Variants in PKHD1 observed in about 807,000 individuals in gnomAD.
The protein encoded by PKHD1 is fibrocystin.
A neutral mutation model predicts 412.0 loss-of-function variants in PKHD1; 291 were observed. The observed-to-expected ratio is 0.71, with a 90% confidence interval of 0.64 to 0.78. The LOEUF is 0.78. PKHD1 is among the 30% of genes least tolerant of loss of function. PKHD1 has a pLI of 0.00. For synonymous variants in PKHD1, 1,777 were observed against 1,821.5 expected, an observed-to-expected ratio of 0.98 and a Z score of 0.62; for missense variants, 4,825 against 4,950.7, an observed-to-expected ratio of 0.97 and a Z score of 0.76.
chr6:51,739,785 C>T (rs1562202465), intron 60 of PKHD1, among the ~76,000 whole-genome samples: 2 of 148,836 alleles, frequency 1.3e-5, no homozygotes, highest in Non-Finnish European at 3.0e-5. Context: ...CTCCCTTCCA[C>T]TTTTTTTTTT....
At chr6:51,656,892 G>C (rs899006411) in intron 61 of PKHD1, among the ~76,000 whole-genome samples, 3 of 151,870 alleles carry the variant, frequency 2.0e-5, no homozygotes, top group Non-Finnish European at 4.4e-5. Context: ...CTGCGCTCAA[G>C]CTATCCACCT....
In PKHD1 at chr6:52,042,948, C is replaced by T; in HGVS notation, c.3008G>A (p.Gly1003Asp). ...HRILMLVRPS[G>D]LAISATGEDL... is the part of the protein sequence containing the mutation. ...TTCTCCAGTGGCACTGATGGCAAGACCAGAGGGTCTCACCAACATCAAGAT... is the reference window on the plus strand; with the variant it reads ...TTCTCCAGTGGCACTGATGGCAAGATCAGAGGGTCTCACCAACATCAAGAT... The change falls in exon 27 of 67, where the codon GGT (glycine) becomes GAT (aspartate). Residue 1003 changes from glycine (G) to aspartate (D), a missense_variant. Physicochemically the swap from Gly to Asp is moderately conservative, Grantham distance 94. Coordinates refer to ENST00000371117, the MANE Select transcript of PKHD1 (RefSeq NM_138694.4). The T allele has an allele frequency of 6.2e-7, 1 of 1,613,964 alleles. No homozygotes were observed. The highest frequency in any genetic ancestry group is 8.5e-7 in the Non-Finnish European group (1 of 1,179,870).
chr6:51,735,021 A>G (rs1783668760), intron 60 of PKHD1, among the ~76,000 whole-genome samples: 1 of 152,192 alleles, frequency 6.6e-6, no homozygotes, highest in South Asian at 2.1e-4. Flanking sequence ...GAGGAACTAA[A>G]TGAGTTTTTT....
At position 52,046,239 on chromosome 6, in the gene PKHD1, T is replaced by C. The variant is rs1805805782; in HGVS notation, c.2408-51A>G. 5 of 1,345,722 alleles carry C rather than the reference T, an allele frequency of 3.7e-6. No homozygotes were observed. In the East Asian group the frequency reaches 9.2e-5, roughly 25 times the overall value. 83.4% of individuals were successfully genotyped at this position (1,345,722 alleles called of 1,614,324 possible). Reference sequence around the variant, plus strand: ...AAACACAGACACTAATTAATCCACCTTACAGAGTTTCATCCTCAAGGATAA... The same window carrying C: ...AAACACAGACACTAATTAATCCACCCTACAGAGTTTCATCCTCAAGGATAA... On this transcript the variant is annotated intron_variant, in intron 23 of 66. Coordinates refer to ENST00000371117, the MANE Select transcript of PKHD1 (RefSeq NM_138694.4).
chr6:51,886,523 G>T (rs940136947), intron 44 of PKHD1, among the ~76,000 whole-genome samples: 1 of 152,168 alleles, frequency 6.6e-6, no homozygotes, highest in African/African-American at 2.4e-5. Context: ...GGGACACTGT[G>T]CTGGGTGAGG....
At chr6:51,724,698 A>C (rs528839403) in intron 60 of PKHD1, among the ~76,000 whole-genome samples, 1 of 152,226 alleles carries the variant, frequency 6.6e-6, no homozygotes, top group Non-Finnish European at 1.5e-5. Context: ...ATGTTATCTT[A>C]TATAGAAAAG....
intron 52 of PKHD1, among the ~76,000 whole-genome samples, chr6:51,828,922 G>T (rs1767781818): frequency 6.6e-6 from 1 of 152,118 alleles, no homozygotes; most frequent in Non-Finnish European, 1.5e-5. Context: ...ATCAATCACA[G>T]ATCATTTTTT....
At chr6:51,817,133 G>C (rs1251673542) in intron 52 of PKHD1, among the ~76,000 whole-genome samples, 1 of 121,082 alleles carries the variant, frequency 8.3e-6, no homozygotes, top group Non-Finnish European at 1.8e-5. Context: ...GGGATCTTAG[G>C]GACAGACTTG....
chr6:51,711,495 C>T (rs73442825), intron 60 of PKHD1, among the ~76,000 whole-genome samples: 4,273 of 152,200 alleles, frequency 0.028, 217 homozygotes, highest in African/African-American at 0.098. Flanking sequence ...AGAGGAAATC[C>T]CCTGTCTCCG....
At position 51,836,502 on chromosome 6, in the gene PKHD1, A is replaced by G; in HGVS notation, c.8108-33T>C. On this transcript the variant is annotated intron_variant, in intron 50 of 66. Transcript: ENST00000371117. ...CCAAAAGCCACAACTTGCATGTGAT[A>G]CAAAGATCATCTTAATATTAAAGAC... is the stretch of plus-strand genomic sequence containing the variant. 1.4e-6 allele frequency: 2 copies of G among 1,448,882 alleles called. 1 individual carries two copies. The highest frequency in any genetic ancestry group is 3.5e-4 in the Middle Eastern group (2 of 5,754). The allele number at this position is 1,448,882 out of a possible 1,614,324, so 89.8% of individuals were successfully genotyped here. A position where few individuals can be genotyped will look rare whatever the true frequency, so the allele number is the denominator to read the frequency against.
intron 33 of PKHD1, 42 bp downstream of exon 33, chr6:52,022,759 T>G (rs766439006): frequency 6.3e-7 from 1 of 1,592,040 alleles, no homozygotes; most frequent in Non-Finnish European, 8.6e-7. Context: ...ATCATTTCCA[T>G]ATATATGCTT....
chr6:51,761,303 C>T (rs1416820502), intron 55 of PKHD1, among the ~76,000 whole-genome samples: 1 of 151,998 alleles, frequency 6.6e-6, no homozygotes, highest in East Asian at 1.9e-4. Context: ...GAAGACACTA[C>T]GTTAAGTGAA....
chr6:51,618,334 C>G lies in PKHD1; in HGVS notation c.*747G>C, dbSNP rs1331084573. The G allele has an allele frequency of 6.6e-6, 1 of 152,154 alleles. No homozygotes were observed. The highest frequency in any genetic ancestry group is 2.4e-5 in the African/African-American group (1 of 41,426). The allele number at this position is 152,154 out of a possible 1,614,324, so 9.4% of individuals were successfully genotyped here. Reference sequence around the variant, plus strand: ...ACCCAGCTACTAACAGAGAGAATCACTGAAAAATAGAACAGTGGTCATACA... The same window carrying G: ...ACCCAGCTACTAACAGAGAGAATCAGTGAAAAATAGAACAGTGGTCATACA... On this transcript the variant is annotated 3_prime_UTR_variant, in exon 67 of 67. Coordinates refer to ENST00000371117, the MANE Select transcript of PKHD1 (RefSeq NM_138694.4).
At chr6:51,636,525 T>C (rs1768589335) in intron 64 of PKHD1, among the ~76,000 whole-genome samples, 1 of 151,912 alleles carries the variant, frequency 6.6e-6, no homozygotes, top group Non-Finnish European at 1.5e-5. Flanking sequence ...CCAGCCTGGG[T>C]GTTGGGTGAC....
intron 48 of PKHD1, among the ~76,000 whole-genome samples, chr6:51,863,266 C>T (rs546119100): frequency 6.6e-6 from 1 of 152,180 alleles, no homozygotes; most frequent in Middle Eastern, 3.4e-3. Context: ...TATGTCTTGA[C>T]TATTTTATGT....
At chr6:51,631,068 C>A (rs1336304951) in intron 65 of PKHD1, among the ~76,000 whole-genome samples, 1 of 152,026 alleles carries the variant, frequency 6.6e-6, no homozygotes, top group Non-Finnish European at 1.5e-5. Flanking sequence ...TTAGAAAAAG[C>A]CTTCTCTAGA....
intron 56 of PKHD1, 90 bp downstream of exon 56, chr6:51,754,694 T>G: frequency 9.4e-7 from 1 of 1,065,560 alleles, no homozygotes; most frequent in Admixed American, 1.7e-5. Flanking sequence ...CCCCTCTGAA[T>G]GGCAATCAGA....
rs191179521 is a variant in PKHD1, at chr6:51,983,322, G to A, written c.5752-23296C>T. 2.1e-3 allele frequency among the ~76,000 whole-genome samples: 316 copies of A among 152,204 alleles called. 3 individuals carry two copies. The highest frequency in any genetic ancestry group is 7.4e-3 in the African/African-American group (308 of 41,502). On this transcript the variant is annotated intron_variant, in intron 35 of 66. Transcript: ENST00000371117. ...TCTGAAACATCATTATTGTGTAAAC[G>A]GAATCTCCTTTTACATTAGTTTTCA...
At chr6:51,869,468 C>T (rs1775622602) in intron 47 of PKHD1, among the ~76,000 whole-genome samples, 1 of 152,048 alleles carries the variant, frequency 6.6e-6, no homozygotes, top group African/African-American at 2.4e-5. Flanking sequence ...TCAAGAGTTC[C>T]TGGAGGACAG....
Sources: gnomAD v4.1 joint callset for allele counts (sites outside exome capture counted in the v4.1 genomes callset) on GRCh38, gnomAD v4.1.1 for gene constraint, MANE v1.5 for transcripts, NCBI Gene and HGNC (gene_info 2026-07-23, HGNC 2026-07-21) for gene names.